FADS2: variants seen among roughly 807,000 people sequenced by gnomAD.
FADS2 encodes fatty acid desaturase 2, also known as acyl-CoA 6-desaturase.
A neutral mutation model predicts 61.2 loss-of-function variants in FADS2; 18 were observed. The ratio of observed to expected loss-of-function variants is 0.29; its 90% CI spans 0.20 to 0.44. The LOEUF is 0.44. Ranked by LOEUF, FADS2 falls within the 20% of genes least tolerant of loss-of-function variation. The pLI is 1.00. For synonymous variants in FADS2, 203 were observed against 223.9 expected, an observed-to-expected ratio of 0.91 and a Z score of 0.83; for missense variants, 322 against 572.7, an observed-to-expected ratio of 0.56 and a Z score of 4.47.
intron 7 of FADS2, among the ~76,000 whole-genome samples, chr11:61,861,731 A>G (rs1029577304): frequency 7.2e-5 from 11 of 152,130 alleles, no homozygotes; most frequent in Non-Finnish European, 1.2e-4. Context: ...TTTCCTGTTC[A>G]GCTGCTGGCA....
At chr11:61,860,352 C>T (rs758146160) in intron 7 of FADS2, among the ~76,000 whole-genome samples, 9 of 152,184 alleles carry the variant, frequency 5.9e-5, no homozygotes, top group African/African-American at 2.4e-5. Flanking sequence ...AAGGAGGCTT[C>T]CCGGGGAGAT....
chr11:61,824,459 G>GGAGAGAGAGAGA, upstream of FADS2, among the ~76,000 whole-genome samples: 1 of 5,866 alleles, frequency 1.7e-4, no homozygotes, highest in African/African-American at 5.5e-4. Context: ...AGGGAGGGAG[G>GGAGAGAGAGAGA]GAGAGAGAGA....
intron 5 of FADS2, chr11:61,856,765 T>A: frequency 1.9e-6 from 1 of 525,930 alleles, no homozygotes; most frequent in Non-Finnish European, 3.4e-6. Context: ...TTGTAGAGGA[T>A]CGATGCCATC....
chr11:61,825,630 AAAAG>A (rs1245389163), upstream of FADS2, among the ~76,000 whole-genome samples: 158 of 142,214 alleles, frequency 1.1e-3, no homozygotes, highest in African/African-American at 3.7e-3. Flanking sequence ...AAAAAAAAAA[AAAAG>A]AAAGAAAAAG....
chr11:61,834,943 GCTCCTCCCTGCCCGCACCCTGGGC>G (rs2067158781), intron 1 of FADS2, among the ~76,000 whole-genome samples: 2 of 151,242 alleles, frequency 1.3e-5, no homozygotes, highest in African/African-American at 2.4e-5. Flanking sequence ...GCAACCCTGG[GCTCCTCCCTGCCCGCACCCTGGGC>G]CTCCTCCCTG....
intron 5 of FADS2, chr11:61,848,533 C>A (rs949849907): frequency 1.8e-6 from 1 of 570,724 alleles, no homozygotes; most frequent in Non-Finnish European, 3.2e-6. Flanking sequence ...ACACAGATAC[C>A]TCTCCTAGGT....
chr11:61,849,894 A>C (rs923194002), intron 5 of FADS2: 3 of 151,978 alleles, frequency 2.0e-5, no homozygotes, highest in Non-Finnish European at 2.9e-5. Context: ...AGCCAGGTGT[A>C]GTGGTGTGCG....
intron 5 of FADS2, among the ~76,000 whole-genome samples, chr11:61,853,774 C>T (rs544091655): frequency 6.6e-6 from 1 of 152,274 alleles, no homozygotes; most frequent in East Asian, 1.9e-4. Flanking sequence ...GAGGTCGTGC[C>T]GCCTGTTTCT....
rs2067102715 is a variant in FADS2, at chr11:61,828,660, T to G, written c.207+63T>G. 1 of 1,478,176 alleles carries G rather than the reference T, an allele frequency of 6.8e-7. No individual in the cohort carries two copies. The highest frequency in any genetic ancestry group is 1.9e-5 in the Admixed American group (1 of 51,436). The allele number at this position is 1,478,176 out of a possible 1,614,324, so 91.6% of individuals were successfully genotyped here. ...TGCAGGCGGAGTCAGGATCCCTGGC[T>G]CCCCGTGGGCCAAACAGACCTCCGG... On this transcript the variant is annotated intron_variant, in intron 1 of 11. Transcript: ENST00000278840. This position sits in a 1 kb window ranked among gnomAD's most constrained non-coding sequence, Gnocchi z 6.4.
chr11:61,853,643 G>A (rs2135972561), intron 5 of FADS2, among the ~76,000 whole-genome samples: 1 of 152,102 alleles, frequency 6.6e-6, no homozygotes, highest in Non-Finnish European at 1.5e-5. Context: ...CTAACCTCCT[G>A]GGCTTCCTGC....
chr11:61,830,433 T>A (rs910599633), intron 1 of FADS2, among the ~76,000 whole-genome samples: 2 of 152,248 alleles, frequency 1.3e-5, no homozygotes, highest in African/African-American at 4.8e-5. Context: ...TTCTCAGTGC[T>A]TACCTGACCT....
At chr11:61,853,944 C>A (rs1248529052) in intron 5 of FADS2, among the ~76,000 whole-genome samples, 2 of 152,192 alleles carry the variant, frequency 1.3e-5, no homozygotes, top group African/African-American at 4.8e-5. Flanking sequence ...TCCCCCAGGC[C>A]CTCATCCAAG....
chr11:61,841,761 C>A (rs1053225829), intron 4 of FADS2, among the ~76,000 whole-genome samples: 5 of 151,940 alleles, frequency 3.3e-5, no homozygotes, highest in Non-Finnish European at 7.4e-5. Flanking sequence ...TGGAAATAAG[C>A]GGGGTACAAA....
chr11:61,828,430 C>T lies in FADS2; in HGVS notation c.40C>T (p.Arg14Cys), dbSNP rs200209929. 1.1e-5 allele frequency: 17 copies of T among 1,586,534 alleles called. No homozygotes were observed. The East Asian group carries it at 3.2e-4, about 30-fold the overall frequency. The change falls in exon 1 of 12, where the codon CGC (arginine) becomes TGC (cysteine). Residue 14 changes from arginine (R) to cysteine (C), a missense_variant. Around this residue, in one of 3 missense-constraint regions of FADS2, gnomAD observed 61 missense variants for 107.4 expected, o/e 0.57. Transcript: ENST00000278840. The surrounding 1 kb of genome is among the most constrained non-coding windows in gnomAD (Gnocchi z 6.4). The stretch of plus-strand genomic sequence containing the variant: ...GAACCAGGGCGAGGGGGCCGCCGAG[C>T]GCGAGGTGTCGGTGCCCACCTTCAG... ...GGNQGEGAAE[R>C]EVSVPTFSWE...
chr11:61,862,858 CT>C, intron 7 of FADS2, 113 bp from the exon 8 acceptor site: 2 of 805,430 alleles, frequency 2.5e-6, no homozygotes, highest in South Asian at 1.5e-5. Flanking sequence ...TTTCAGTGGG[CT>C]GCGGTCCAGC....
chr11:61,863,477 C>T (rs1477607017), intron 9 of FADS2, 99 bp downstream of exon 9: 4 of 961,400 alleles, frequency 4.2e-6, no homozygotes, highest in African/African-American at 3.2e-5. Context: ...GCTGGGCCTC[C>T]CGGGGCTGCC....
Position 61,859,918 on chromosome 11 carries a change from G to A in FADS2, c.882+2388G>A, listed in dbSNP as rs146475148. On this transcript the variant is annotated intron_variant, in intron 7 of 11. Coordinates refer to ENST00000278840, the MANE Select transcript of FADS2 (RefSeq NM_004265.4). ...GGAGAATTGCTTGAACCCGGGAGGCGGAGCTTGCAGTGAGCAACTTCTTTT... is the reference window on the plus strand; with the variant it reads ...GGAGAATTGCTTGAACCCGGGAGGCAGAGCTTGCAGTGAGCAACTTCTTTT... Among the ~76,000 whole-genome samples the A allele has an allele frequency of 3.6e-3, 544 of 150,908 alleles. 13 individuals are homozygous for A. The East Asian group carries it at 0.061, about 17-fold the overall frequency.
chr11:61,816,302 C>A lies in FADS2; in HGVS notation c.17C>A (p.Ala6Glu), dbSNP rs570597167. 4.4e-6 allele frequency: 7 copies of A among 1,598,344 alleles called. No individual in the cohort carries two copies. Among genetic ancestry groups the A allele is most frequent in the Non-Finnish European group, 8.5e-7 (1 of 1,179,764 alleles). ...GCAGATGGAATGCACGGCAGGGAGG[C>A]GGGACCCTTTGTTTGTGTGTGCGTG... The change falls in exon 1 of 12, where the codon GCG (alanine) becomes GAG (glutamate). Residue 6 changes from alanine to glutamate, a missense_variant. Coordinates refer to the FADS2 transcript ENST00000257261. This position sits in a 1 kb window ranked among gnomAD's most constrained non-coding sequence, Gnocchi z 7.0.
intron 4 of FADS2, among the ~76,000 whole-genome samples, chr11:61,846,316 C>T (rs890716244): frequency 6.6e-6 from 1 of 151,912 alleles, no homozygotes; most frequent in African/African-American, 2.4e-5. Context: ...GGGGTTTCTC[C>T]GTGTTGGCCA....
Sources: gnomAD v4.1 joint callset for allele counts (sites outside exome capture counted in the v4.1 genomes callset) on GRCh38, gnomAD v4.1.1 for gene constraint, gnomAD v4.1.1 regional missense constraint, Gnocchi (gnomAD v3.1) non-coding constraint, MANE v1.5 for transcripts, NCBI Gene and HGNC (gene_info 2026-07-23, HGNC 2026-07-21) for gene names.